The following AASDH variants were observed in gnomAD, a reference collection of about 807,000 sequenced individuals.
AASDH encodes the protein aminoadipate-semialdehyde dehydrogenase.
A neutral mutation model predicts 102.3 loss-of-function variants in AASDH; 81 were observed. The observed-to-expected ratio is 0.79, with a 90% CI of 0.66 to 0.95. The LOEUF (loss-of-function observed/expected upper bound fraction) is 0.95. Among genes scored for constraint, AASDH ranks in the 40% least tolerant of loss-of-function variants. The pLI is 0.00. For synonymous variants in AASDH, 398 were observed against 454.0 expected, an observed-to-expected ratio of 0.88 and a Z score of 1.57; for missense variants, 1,203 against 1,266.2, an observed-to-expected ratio of 0.95 and a Z score of 0.76.
At position 56,350,024 on chromosome 4, in the gene AASDH, A is replaced by C. The variant is rs1011853556; in HGVS notation, c.1727T>G (p.Val576Gly). The change falls in exon 11 of 15, where the codon GTT (valine) becomes GGT (glycine). Residue 576 changes from valine to glycine, a missense_variant. Coordinates refer to ENST00000205214, the MANE Select transcript of AASDH (RefSeq NM_181806.4). ...TLNLPEDLLR[V>G]PDESLFLNSG... ...ATTTAAGAAGAGTGACTCATCAGGA[A>C]CCCTCAAAAGATCTTCTGGGAGATT... 6.2e-7 allele frequency: 1 copy of C among 1,602,638 alleles called. No homozygotes were observed. Among genetic ancestry groups the C allele is most frequent in the Non-Finnish European group, 8.5e-7 (1 of 1,178,800 alleles).
chr4:56,350,144 G>A, intron 10 of AASDH, 86 bp from the exon 11 acceptor site: 2 of 1,123,456 alleles, frequency 1.8e-6, no homozygotes, highest in South Asian at 1.7e-5. Flanking sequence ...ATAGAGATGA[G>A]AGTACCTACA....
In AASDH at chr4:56,338,455, AC is replaced by A; in HGVS notation, c.3243del (p.Cys1082ValfsTer26). ...PVVLESMLII[G>X]CRDNYVYCLD... ...AGACAATAAACATAATTATCTCTAC[AC>A]CCAATAATGAGCATTGATTCCAGGA... On this transcript the variant is annotated frameshift_variant, in exon 15 of 15. Coordinates refer to ENST00000205214, the MANE Select transcript of AASDH (RefSeq NM_181806.4). LOFTEE classifies it high-confidence loss of function. 1 of 1,614,040 alleles carries A rather than the reference AC, an allele frequency of 6.2e-7. No individual in the cohort carries two copies. The highest frequency in any genetic ancestry group is 8.5e-7 in the Non-Finnish European group (1 of 1,179,974).
intron 5 of AASDH, chr4:56,356,746 C>G: frequency 1.4e-6 from 1 of 720,972 alleles, no homozygotes; most frequent in Non-Finnish European, 2.5e-6. Flanking sequence ...CGCCTTCACA[C>G]AGGTTAACTT....
chr4:56,366,869 A>C (rs1457436290), intron 5 of AASDH, among the ~76,000 whole-genome samples: 3 of 151,024 alleles, frequency 2.0e-5, no homozygotes, highest in Non-Finnish European at 4.4e-5. Flanking sequence ...AGTTCTGGCC[A>C]GGGCAATTAG....
chr4:56,346,991 T>G (rs1458675090), intron 11 of AASDH, among the ~76,000 whole-genome samples: 1 of 149,880 alleles, frequency 6.7e-6, no homozygotes, highest in Non-Finnish European at 1.5e-5. Context: ...TAGTAAGCCA[T>G]GATGACGCCA....
At chr4:56,346,415 GT>G (rs1748334789) in intron 11 of AASDH, among the ~76,000 whole-genome samples, 1 of 152,062 alleles carries the variant, frequency 6.6e-6, no homozygotes, top group Non-Finnish European at 1.5e-5. Flanking sequence ...TGTCAATTCA[GT>G]TTAATTCCAA....
intron 10 of AASDH, 134 bp from the exon 11 acceptor site, chr4:56,350,192 C>T (rs985434231): frequency 4.7e-5 from 40 of 843,058 alleles, no homozygotes; most frequent in African/African-American, 2.1e-4. Flanking sequence ...CAGTGGCTCA[C>T]GCCTGTAATC....
intron 12 of AASDH, among the ~76,000 whole-genome samples, chr4:56,344,773 T>G (rs1748124443): frequency 6.6e-6 from 1 of 152,070 alleles, no homozygotes; most frequent in Non-Finnish European, 1.5e-5. Flanking sequence ...CTTAAGATAT[T>G]AAGACTTAAT....
chr4:56,354,980 T>A (rs1749429335), intron 6 of AASDH, among the ~76,000 whole-genome samples, 169 bp from the exon 7 acceptor site: 1 of 152,192 alleles, frequency 6.6e-6, no homozygotes, highest in Non-Finnish European at 1.5e-5. Context: ...TATATGTTAT[T>A]CATTACTATT....
At chr4:56,376,995 A>G (rs1458960470) in intron 4 of AASDH, among the ~76,000 whole-genome samples, 1 of 148,970 alleles carries the variant, frequency 6.7e-6, no homozygotes, top group Non-Finnish European at 1.5e-5. Flanking sequence ...TGAACCCGGG[A>G]GGCGGAGCTT....
At chr4:56,382,696 A>G (rs1753121668) in intron 2 of AASDH, 99 bp from the exon 3 acceptor site, 1 of 1,404,044 alleles carries the variant, frequency 7.1e-7, no homozygotes, top group African/African-American at 1.5e-5. Context: ...TTTTTGTAGC[A>G]GCATAAAAAT....
chr4:56,360,378 C>T (rs1049572991), intron 5 of AASDH, among the ~76,000 whole-genome samples: 1 of 152,206 alleles, frequency 6.6e-6, no homozygotes, highest in African/African-American at 2.4e-5. Context: ...TCAAGATCAT[C>T]ATTTCCACAG....
rs1747199098 is a variant in AASDH at position 56,338,688 on chromosome 4, C to CAACA, written c.3007_3010dup (p.Cys1004LeufsTer3). On this transcript the variant is annotated frameshift_variant, in exon 15 of 15. Coordinates refer to ENST00000205214, the MANE Select transcript of AASDH (RefSeq NM_181806.4). LOFTEE classifies it high-confidence loss of function. ...CCACTGCAGGTGACCTTTCATGTTA[C>CAACA]AACAGTAGATAAAGCAATCATGGGA... The CAACA allele has an allele frequency of 6.2e-7, 1 of 1,614,170 alleles. No individual in the cohort carries two copies. The highest frequency in any genetic ancestry group is 8.5e-7 in the Non-Finnish European group (1 of 1,180,026).
chr4:56,351,247 C>G lies in AASDH; in HGVS notation c.1692+95G>C. On this transcript the variant is annotated intron_variant, in intron 10 of 14. Coordinates refer to ENST00000205214, the MANE Select transcript of AASDH (RefSeq NM_181806.4). ...AACATCTGGGTAGCAATAACATTCT[C>G]AGAAAATTTTATCCAACTTGTTAGG... 3 of 742,744 alleles carry G rather than the reference C, an allele frequency of 4.0e-6. No individual in the cohort carries two copies. In the South Asian group the frequency reaches 5.5e-5, roughly 14 times the overall value. 46.0% of individuals were successfully genotyped at this position (742,744 alleles called of 1,614,324 possible). A position where few individuals can be genotyped will look rare whatever the true frequency, so the allele number is the denominator to read the frequency against.
chr4:56,378,798 T>G (rs76474409), intron 3 of AASDH, among the ~76,000 whole-genome samples: 2 of 151,170 alleles, frequency 1.3e-5, no homozygotes, highest in Non-Finnish European at 2.9e-5. Context: ...TTTTTTTTTT[T>G]CTGAATATTT....
chr4:56,379,744 T>C (rs1476347789), intron 3 of AASDH, among the ~76,000 whole-genome samples: 1 of 152,308 alleles, frequency 6.6e-6, no homozygotes, highest in East Asian at 1.9e-4. Context: ...TAATATTTGT[T>C]ATAAGTAGCT....
chr4:56,358,316 C>A lies in AASDH; in HGVS notation c.862-2893G>T, dbSNP rs79124691. On this transcript the variant is annotated intron_variant, in intron 5 of 14. Transcript: ENST00000205214. ...TGCATATAAAGAGTTGTACTTCCTC[C>A]TGTCCAATGTAAGTATCTTTAGTTT... Among the ~76,000 whole-genome samples, 467 of 151,784 alleles carry A rather than the reference C, an allele frequency of 3.1e-3. 3 individuals are homozygous for A. The highest frequency in any genetic ancestry group is 0.011 in the African/African-American group (447 of 41,348).
chr4:56,385,386 A>G (rs1289836588), intron 1 of AASDH, among the ~76,000 whole-genome samples: 1 of 152,202 alleles, frequency 6.6e-6, no homozygotes, highest in Non-Finnish European at 1.5e-5. Flanking sequence ...TTACAACTCA[A>G]TAAAGCAGTA....
chr4:56,364,748 C>T (rs1433815511), intron 5 of AASDH, among the ~76,000 whole-genome samples: 1 of 152,186 alleles, frequency 6.6e-6, no homozygotes, highest in Non-Finnish European at 1.5e-5. Flanking sequence ...CAACCAGTAC[C>T]AGCCACTGCA....
Sources: gnomAD v4.1 joint callset for allele counts (sites outside exome capture counted in the v4.1 genomes callset) on GRCh38, gnomAD v4.1.1 for gene constraint, MANE v1.5 for transcripts, NCBI Gene and HGNC (gene_info 2026-07-23, HGNC 2026-07-21) for gene names.